CNTNAP5: variants seen among roughly 807,000 people sequenced by gnomAD.
CNTNAP5 encodes the protein contactin associated protein family member 5.
Under a neutral mutation model 150.2 loss-of-function variants are expected in CNTNAP5, and 72 were observed. The ratio of observed to expected loss-of-function variants is 0.48; its 90% CI spans 0.40 to 0.58. The LOEUF is 0.58. Ranked by LOEUF, CNTNAP5 falls within the 20% of genes least tolerant of loss-of-function variation. CNTNAP5 has a pLI of 0.00. For synonymous variants in CNTNAP5, 672 were observed against 619.8 expected, an observed-to-expected ratio of 1.08 and a Z score of -1.25; for missense variants, 1,636 against 1,626.2, an observed-to-expected ratio of 1.01 and a Z score of -0.10.
At chr2:124,839,093 G>A (rs1048922240) in intron 19 of CNTNAP5, among the ~76,000 whole-genome samples, 3 of 152,060 alleles carry the variant, frequency 2.0e-5, no homozygotes, top group Non-Finnish European at 4.4e-5. Context: ...ATCAAAGAAG[G>A]CTCCCCTGGT....
At chr2:124,378,064 A>C (rs898568874) in intron 3 of CNTNAP5, among the ~76,000 whole-genome samples, 6 of 152,074 alleles carry the variant, frequency 3.9e-5, no homozygotes, top group African/African-American at 1.4e-4. Flanking sequence ...ATTGCACTCC[A>C]CATACTCACA....
At chr2:124,739,181 A>G (rs897303647) in intron 13 of CNTNAP5, among the ~76,000 whole-genome samples, 2 of 152,128 alleles carry the variant, frequency 1.3e-5, no homozygotes, top group African/African-American at 4.8e-5. Context: ...TTCAACAGGC[A>G]GGGAGAAGAG....
At chr2:124,696,420 G>A (rs1191257415) in intron 13 of CNTNAP5, among the ~76,000 whole-genome samples, 1 of 152,070 alleles carries the variant, frequency 6.6e-6, no homozygotes, top group African/African-American at 2.4e-5. Flanking sequence ...CATTCTCTTA[G>A]TTTTACTTAT....
intron 7 of CNTNAP5, among the ~76,000 whole-genome samples, chr2:124,493,206 C>A (rs185731636): frequency 6.6e-6 from 1 of 151,982 alleles, no homozygotes; most frequent in African/African-American, 2.4e-5. Flanking sequence ...GTCAAATATT[C>A]TTTTCTGCGT....
chr2:124,538,636 TAAG>T (rs1051546949), intron 10 of CNTNAP5, among the ~76,000 whole-genome samples: 15 of 100,414 alleles, frequency 1.5e-4, no homozygotes, highest in African/African-American at 5.3e-4. Context: ...AATGAAAGAA[TAAG>T]AAAGAAAGGA....
intron 9 of CNTNAP5, 102 bp from the exon 10 acceptor site, chr2:124,527,183 A>G (rs1694988222): frequency 1.2e-5 from 11 of 926,914 alleles, no homozygotes; most frequent in Non-Finnish European, 1.8e-5. Context: ...TGAATGAGAA[A>G]GCACCAAACT....
intron 10 of CNTNAP5, among the ~76,000 whole-genome samples, chr2:124,534,534 A>G (rs1695184888): frequency 6.6e-6 from 1 of 152,170 alleles, no homozygotes; most frequent in African/African-American, 2.4e-5. Context: ...TGGCATTTAT[A>G]AACTGCCATG....
In CNTNAP5 at chr2:124,474,879, T is replaced by C. The variant is rs760282833; in HGVS notation, c.1059T>C (p.Thr353=). ...LAKRRKHQIY[T]VGNVTFSCSE... The stretch of plus-strand genomic sequence containing the variant: ...AGAGACGAAAGCATCAGATCTATAC[T>C]GTGGTAAGTCAGCCCATCTGTTTTG... Residue 353 remains threonine, a synonymous_variant, in exon 7 of 24, where the codon ACT becomes ACC. Coordinates refer to ENST00000682447, the MANE Select transcript of CNTNAP5 (RefSeq NM_001367498.1). The C allele has an allele frequency of 7.5e-6, 12 of 1,597,672 alleles. No homozygotes were observed. Among genetic ancestry groups the C allele is most frequent in the South Asian group, 1.1e-5 (1 of 87,608 alleles).
intron 13 of CNTNAP5, among the ~76,000 whole-genome samples, chr2:124,742,957 G>A (rs1680527570): frequency 6.6e-6 from 1 of 152,034 alleles, no homozygotes; most frequent in Non-Finnish European, 1.5e-5. Context: ...CCTAGCCAAG[G>A]AGCTGGCCTC....
chr2:124,326,972 CT>C (rs1192969997), intron 3 of CNTNAP5, among the ~76,000 whole-genome samples: 1,998 of 68,512 alleles, frequency 0.029, 8 homozygotes, highest in African/African-American at 0.044. Context: ...TAGATCCTGA[CT>C]TTTTTTTTTT....
chr2:124,601,104 A>G (rs1017450147), intron 11 of CNTNAP5, among the ~76,000 whole-genome samples: 6 of 152,186 alleles, frequency 3.9e-5, no homozygotes, highest in African/African-American at 1.4e-4. Flanking sequence ...CCACTGAGAG[A>G]GAAGACTGGA....
intron 5 of CNTNAP5, among the ~76,000 whole-genome samples, chr2:124,438,779 T>C (rs1489418878): frequency 3.3e-5 from 5 of 151,774 alleles, no homozygotes; most frequent in Admixed American, 6.6e-5. Flanking sequence ...ACTATAAAAG[T>C]TTTTTTTTAG....
At chr2:124,044,247 C>T (rs1351393475) in intron 1 of CNTNAP5, among the ~76,000 whole-genome samples, 1 of 152,098 alleles carries the variant, frequency 6.6e-6, no homozygotes, top group Non-Finnish European at 1.5e-5. Flanking sequence ...ATGGTTAATA[C>T]CATTATTCTT....
At chr2:124,382,878 A>G (rs1484374671) in intron 3 of CNTNAP5, among the ~76,000 whole-genome samples, 1 of 152,218 alleles carries the variant, frequency 6.6e-6, no homozygotes, top group Non-Finnish European at 1.5e-5. Flanking sequence ...AAGGAAAAAC[A>G]AGATGTTTAA....
chr2:124,494,300 G>A (rs950559389), intron 7 of CNTNAP5, among the ~76,000 whole-genome samples: 8 of 152,040 alleles, frequency 5.3e-5, no homozygotes, highest in African/African-American at 1.9e-4. Context: ...AGGGGGTGGG[G>A]TGCACCAGTG....
At chr2:124,287,451 C>A (rs1688184659) in intron 3 of CNTNAP5, among the ~76,000 whole-genome samples, 1 of 152,068 alleles carries the variant, frequency 6.6e-6, no homozygotes, top group African/African-American at 2.4e-5. Context: ...CGGCATTGTC[C>A]CCTCTCTCAA....
At chr2:124,534,263 G>A (rs574816339) in intron 10 of CNTNAP5, among the ~76,000 whole-genome samples, 4 of 152,114 alleles carry the variant, frequency 2.6e-5, no homozygotes, top group East Asian at 3.9e-4. Context: ...TGGATCTCGC[G>A]CAATAAAAAA....
intron 3 of CNTNAP5, among the ~76,000 whole-genome samples, chr2:124,385,973 T>C (rs139228775): frequency 6.6e-6 from 1 of 151,392 alleles, no homozygotes; most frequent in Non-Finnish European, 1.5e-5. Context: ...CTCCATAATG[T>C]TGAGCACGTA....
intron 3 of CNTNAP5, among the ~76,000 whole-genome samples, chr2:124,249,769 T>C (rs1687127403): frequency 6.6e-6 from 1 of 152,130 alleles, no homozygotes; most frequent in Non-Finnish European, 1.5e-5. Context: ...ATCAACCTGT[T>C]AAAATCTTTT....
Sources: allele counts gnomAD v4.1 joint callset (sites outside exome capture counted in the v4.1 genomes callset), GRCh38; gene constraint gnomAD v4.1.1; transcripts MANE v1.5; gene names NCBI Gene and HGNC (gene_info 2026-07-23, HGNC 2026-07-21).